Variants in TPO observed in about 807,000 individuals in gnomAD.
The protein encoded by TPO is thyroid peroxidase.
TPO carries 78 observed loss-of-function variants against 96.9 expected under a neutral mutation model. The ratio of observed to expected loss-of-function variants is 0.81; its 90% CI spans 0.67 to 0.97. The LOEUF is 0.97. Among genes scored for constraint, TPO ranks in the 50% least tolerant of loss-of-function variants. TPO has a pLI of 0.00. For missense variants in TPO, 1,252 were observed against 1,274.8 expected (o/e 0.98, Z 0.27); for synonymous variants, 547 against 538.0 (o/e 1.02, Z -0.23).
chr2:1,511,459 G>A (rs4927589), intron 14 of TPO, among the ~76,000 whole-genome samples: 2,670 of 14,594 alleles, frequency 0.18, 1,106 homozygotes, highest in African/African-American at 0.33. Flanking sequence ...GTGCCACAGC[G>A]CAGCCCTGCA....
At chr2:1,498,621 A>G (rs1041632837) in intron 13 of TPO, among the ~76,000 whole-genome samples, 2 of 152,220 alleles carry the variant, frequency 1.3e-5, no homozygotes, top group Non-Finnish European at 2.9e-5. Flanking sequence ...GACAGTGTAC[A>G]AGGAGATCAC....
intron 8 of TPO, among the ~76,000 whole-genome samples, chr2:1,483,097 A>T (rs774140452): frequency 2.0e-5 from 3 of 152,202 alleles, no homozygotes; most frequent in Non-Finnish European, 2.9e-5. Flanking sequence ...GATGTTTCAG[A>T]TCAGATGAGG....
In TPO at chr2:1,506,463, C is replaced by A. The variant is rs904195007; in HGVS notation, c.2518+2384C>A. ...AGATCCCTGAGGAATCGCCACACTG[C>A]CTTCCACAATGGTTGAACTAGTTTA... On this transcript the variant is annotated intron_variant, in intron 14 of 16. Coordinates refer to ENST00000329066, the MANE Select transcript of TPO (RefSeq NM_001206744.2). Among the ~76,000 whole-genome samples the A allele has an allele frequency of 2.2e-3, 335 of 152,252 alleles. 2 individuals carry two copies. Among genetic ancestry groups the A allele is most frequent in the African/African-American group, 7.2e-3 (298 of 41,560 alleles).
chr2:1,527,211 C>G lies in TPO; in HGVS notation c.2618+10229C>G, dbSNP rs575456326. On this transcript the variant is annotated intron_variant, in intron 15 of 16. Coordinates refer to ENST00000329066, the MANE Select transcript of TPO (RefSeq NM_001206744.2). ...TGTGCAACCGCCCCAAATCCCCCAA[C>G]TATATGCAACCTACTCAAATCCCCC... Among the ~76,000 whole-genome samples, 47 of 128,594 alleles carry G rather than the reference C, an allele frequency of 3.7e-4. No individual in the cohort carries two copies. In the South Asian group the frequency reaches 8.3e-3, roughly 23 times the overall value. 84.4% of individuals were successfully genotyped at this position (128,594 alleles called of 152,430 possible). A position where few individuals can be genotyped will look rare whatever the true frequency, so the allele number is the denominator to read the frequency against.
At chr2:1,522,375 CCG>C in intron 15 of TPO, among the ~76,000 whole-genome samples, 1 of 134,764 alleles carries the variant, frequency 7.4e-6, no homozygotes, top group African/African-American at 2.8e-5. Flanking sequence ...CGGCCCGCCA[CCG>C]TGCCCTCACA....
intron 5 of TPO, among the ~76,000 whole-genome samples, chr2:1,447,138 C>G (rs754557271): frequency 2.0e-5 from 3 of 152,152 alleles, no homozygotes; most frequent in Non-Finnish European, 4.4e-5. Flanking sequence ...TGAGGTCAGA[C>G]GTGCCTCATG....
chr2:1,532,790 C>T (rs1678620740), intron 15 of TPO, among the ~76,000 whole-genome samples: 2 of 43,900 alleles, frequency 4.6e-5, no homozygotes, highest in Non-Finnish European at 7.8e-5. Flanking sequence ...CTCCCCAAAT[C>T]CCCCACACTA....
At chr2:1,459,798 T>G (rs1230920157) in intron 7 of TPO, among the ~76,000 whole-genome samples, 1 of 152,224 alleles carries the variant, frequency 6.6e-6, no homozygotes, top group Non-Finnish European at 1.5e-5. Context: ...CCTCTGTCCC[T>G]GGGAGGAGGT....
At position 1,543,387 on chromosome 2, in the gene TPO, AC is replaced by A. The variant is rs1375248781; in HGVS notation, c.*914del. On this transcript the variant is annotated 3_prime_UTR_variant, in exon 17 of 17. Transcript: ENST00000329066. ...CCTGCACTAAGAGAAGAGAGTGGTAACTAATTCATGGATAAAACAGACCATC... is the reference window on the plus strand; with the variant it reads ...CCTGCACTAAGAGAAGAGAGTGGTAATAATTCATGGATAAAACAGACCATC... The A allele has an allele frequency of 1.3e-5, 2 of 152,190 alleles. No homozygotes were observed. The highest frequency in any genetic ancestry group is 4.8e-5 in the African/African-American group (2 of 41,436). 9.4% of individuals were successfully genotyped at this position (152,190 alleles called of 1,614,324 possible).
chr2:1,468,744 G>A (rs1469687780), intron 7 of TPO, among the ~76,000 whole-genome samples: 3 of 152,174 alleles, frequency 2.0e-5, no homozygotes, highest in Non-Finnish European at 4.4e-5. Context: ...TGTATTTGGT[G>A]TCTAGGTCTC....
Position 1,388,299 on chromosome 2 carries a change from C to A in TPO, n.180+13897C>A, listed in dbSNP as rs535655754. On this transcript the variant is annotated intron_variant and non_coding_transcript_variant, in intron 1 of 5. Transcript: ENST00000497517. ...CTGCCTTTTGTTTGTCTGTGCCCTG[C>A]CCCCAGAGGTGGAGTCTACAGAGGC... Among the ~76,000 whole-genome samples the A allele has an allele frequency of 1.1e-4, 16 of 152,300 alleles. No homozygotes were observed. In the South Asian group the frequency reaches 2.5e-3, roughly 24 times the overall value.
chr2:1,542,609 T>C lies in TPO; in HGVS notation c.*135T>C, dbSNP rs759877281. 2 of 1,554,504 alleles carry C rather than the reference T, an allele frequency of 1.3e-6. No individual in the cohort carries two copies. Among genetic ancestry groups the C allele is most frequent in the South Asian group, 2.4e-5 (2 of 83,994 alleles). ...CACGGGTAAATCTAGTACCATGTCG[T>C]AGTTACTCTCAGGCATGGATGAATA... On this transcript the variant is annotated 3_prime_UTR_variant, in exon 17 of 17. Transcript: ENST00000329066.
chr2:1,428,565 C>A (rs954583317), intron 3 of TPO, among the ~76,000 whole-genome samples: 3 of 152,142 alleles, frequency 2.0e-5, no homozygotes, highest in East Asian at 1.9e-4. Context: ...TCCTGACGTA[C>A]CCCTTTTGGG....
intron 2 of TPO, among the ~76,000 whole-genome samples, chr2:1,421,985 T>C (rs948159279): frequency 2.6e-5 from 4 of 152,104 alleles, no homozygotes; most frequent in African/African-American, 7.2e-5. Context: ...TGCTAGGTGT[T>C]CCTCCCTCCC....
At chr2:1,391,372 A>G (rs1245263993) in intron 1 of TPO, among the ~76,000 whole-genome samples, 1 of 152,120 alleles carries the variant, frequency 6.6e-6, no homozygotes, top group African/African-American at 2.4e-5. Flanking sequence ...CCATTGGTCT[A>G]TATGTCTGTT....
chr2:1,384,923 G>T (rs191693834), intron 1 of TPO, among the ~76,000 whole-genome samples: 1 of 152,116 alleles, frequency 6.6e-6, no homozygotes, highest in African/African-American at 2.4e-5. Flanking sequence ...TAGCATGAAA[G>T]GCTGTTGAAT....
Position 1,542,804 on chromosome 2 carries a change from C to CA in TPO, c.*330_*331insA. The CA allele has an allele frequency of 1.8e-6, 1 of 545,354 alleles. No individual in the cohort carries two copies. The highest frequency in any genetic ancestry group is 3.1e-6 in the Non-Finnish European group (1 of 324,100). 33.8% of individuals were successfully genotyped at this position (545,354 alleles called of 1,614,324 possible). ...CTCCACCTTCTGGCATCTCTGATGC[C>CA]GTGCTCGTCTGCACTCTGCCCCGGC... is the stretch of plus-strand genomic sequence containing the variant. On this transcript the variant is annotated 3_prime_UTR_variant, in exon 17 of 17. Coordinates refer to ENST00000329066, the MANE Select transcript of TPO (RefSeq NM_001206744.2).
At chr2:1,538,076 GCCTCCTCAAATCCTCCCCACTGTGTGCAA>G (rs1330426942) in intron 15 of TPO, among the ~76,000 whole-genome samples, 28 of 76,782 alleles carry the variant, frequency 3.6e-4, no homozygotes, top group East Asian at 1.5e-3. Context: ...ACTGTGTGCA[GCCTCCTCAAATCCTCCCCACTGTGTGCAA>G]CCTCCTCAAA....
intron 7 of TPO, among the ~76,000 whole-genome samples, chr2:1,468,633 T>A (rs1485019715): frequency 6.6e-6 from 1 of 152,218 alleles, no homozygotes; most frequent in Admixed American, 6.5e-5. Context: ...TTCACAGCTC[T>A]TAAGATTCTT....
Sources: gnomAD v4.1 joint callset for allele counts (sites outside exome capture counted in the v4.1 genomes callset) on GRCh38, gnomAD v4.1.1 for gene constraint, MANE v1.5 for transcripts, NCBI Gene and HGNC (gene_info 2026-07-23, HGNC 2026-07-21) for gene names.